COL17A1: variants seen among roughly 807,000 people sequenced by gnomAD.
The protein encoded by COL17A1 is collagen alpha-1(XVII) chain.
A neutral mutation model predicts 218.4 loss-of-function variants in COL17A1; 181 were observed. The observed-to-expected ratio is 0.83, with a 90% CI of 0.73 to 0.94. COL17A1 has a LOEUF of 0.94. COL17A1 is among the 40% of genes least tolerant of loss of function. The pLI, the probability that COL17A1 is intolerant of heterozygous loss-of-function variation, is 0.00. For synonymous variants in COL17A1, 721 were observed against 731.0 expected, an observed-to-expected ratio of 0.99 and a Z score of 0.22; for missense variants, 1,924 against 1,945.9, an observed-to-expected ratio of 0.99 and a Z score of 0.21.
At chr10:104,083,367 T>C (rs936438294) in intron 1 of COL17A1, among the ~76,000 whole-genome samples, 7 of 152,162 alleles carry the variant, frequency 4.6e-5, no homozygotes, top group Non-Finnish European at 4.4e-5. Flanking sequence ...ATAACATAAT[T>C]TTTAACTTCT....
chr10:104,039,706 G>C, intron 41 of COL17A1, 66 bp from the exon 42 acceptor site: 1 of 1,609,336 alleles, frequency 6.2e-7, no homozygotes, highest in Non-Finnish European at 8.5e-7. Flanking sequence ...GCCCTGTAGA[G>C]CCTCCCCAAG....
chr10:104,037,254 GA>G lies in COL17A1; in HGVS notation c.3209-142del, dbSNP rs529840816. The G allele has an allele frequency of 2.5e-4, 200 of 784,412 alleles. No homozygotes were observed. In the African/African-American group the frequency reaches 2.7e-3, roughly 11 times the overall value. 48.6% of individuals were successfully genotyped at this position (784,412 alleles called of 1,614,324 possible). Reference sequence around the variant, plus strand: ...GAATGGAGTATTACGAGGCTATTTTGAAAGCATAACAAAGTCAAATACTGTT... The same window carrying G: ...GAATGGAGTATTACGAGGCTATTTTGAAGCATAACAAAGTCAAATACTGTT... On this transcript the variant is annotated intron_variant, in intron 46 of 55. Transcript: ENST00000648076.
chr10:104,040,881 G>A (rs1348814776), intron 39 of COL17A1, among the ~76,000 whole-genome samples, 184 bp downstream of exon 39: 1 of 152,144 alleles, frequency 6.6e-6, no homozygotes, highest in African/African-American at 2.4e-5. Context: ...CTACCAGGGT[G>A]GTTGGGTTGA....
Position 104,059,703 on chromosome 10 carries a change from T to C in COL17A1, c.1157A>G (p.Asp386Gly), listed in dbSNP as rs1319282018. The change falls in exon 15 of 56, where the codon GAC becomes GGC. Residue 386 changes from aspartate to glycine, a missense_variant. Asp to Gly is a moderately conservative substitution (Grantham distance 94). Coordinates refer to ENST00000648076, the MANE Select transcript of COL17A1 (RefSeq NM_000494.4). ...ASIAATSFSE[D>G]TLKKEKQAAY... ...AGCTTGCTTTTCTTTTTTTAGGGTG[T>C]CTTCTGAAAAAGAAGCTATGTACAG... 6.8e-6 allele frequency: 11 copies of C among 1,614,080 alleles called. No individual in the cohort carries two copies. The highest frequency in any genetic ancestry group is 2.2e-5 in the East Asian group (1 of 44,896).
chr10:104,057,603 T>C (rs1220819435), intron 16 of COL17A1, among the ~76,000 whole-genome samples: 1 of 151,154 alleles, frequency 6.6e-6, no homozygotes, highest in South Asian at 2.1e-4. Context: ...CCCATCTCCA[T>C]GCCTCAGTTC....
chr10:104,052,472 T>C (rs1371931926), intron 23 of COL17A1, among the ~76,000 whole-genome samples: 1 of 152,154 alleles, frequency 6.6e-6, no homozygotes, highest in Admixed American at 6.5e-5. Context: ...AAAGAGAAAG[T>C]AAAGCTGAAA....
chr10:104,071,939 T>C lies in COL17A1; in HGVS notation c.463+93A>G, dbSNP rs2086672636. On this transcript the variant is annotated intron_variant, in intron 8 of 55. Coordinates refer to ENST00000648076, the MANE Select transcript of COL17A1 (RefSeq NM_000494.4). Reference sequence around the variant, plus strand: ...ATGTACATACATGTGTGTGCATGCATGCACACACACACGCATGCACACACA... The same window carrying C: ...ATGTACATACATGTGTGTGCATGCACGCACACACACACGCATGCACACACA... The C allele has an allele frequency of 5.1e-6, 8 of 1,571,824 alleles. No homozygotes were observed. In the South Asian group the frequency reaches 8.9e-5, roughly 18 times the overall value.
chr10:104,042,358 C>G, intron 36 of COL17A1, 62 bp downstream of exon 36: 1 of 1,564,824 alleles, frequency 6.4e-7, no homozygotes, highest in Non-Finnish European at 8.8e-7. Flanking sequence ...CCATGTCCAC[C>G]CTGAGAGGAA....
At position 104,043,048 on chromosome 10, in the gene COL17A1, T is replaced by A. The variant is rs150760646; in HGVS notation, c.2515+453A>T. ...AGAAGTTTTCATATTTTTGTCACCA[T>A]CCCATGTGGAGATATTTTCTTCAAA... On this transcript the variant is annotated intron_variant, in intron 35 of 55. Transcript: ENST00000648076. 5.9e-5 allele frequency among the ~76,000 whole-genome samples: 9 copies of A among 152,326 alleles called. No individual in the cohort carries two copies. In the East Asian group the frequency reaches 1.7e-3, roughly 29 times the overall value.
chr10:104,045,891 C>G, intron 32 of COL17A1, 98 bp from the exon 33 acceptor site: 1 of 980,044 alleles, frequency 1.0e-6, no homozygotes. Context: ...CACAGCCACA[C>G]TGCTGACTGA....
At chr10:104,058,416 T>C (rs542433951) in intron 15 of COL17A1, among the ~76,000 whole-genome samples, 1 of 152,368 alleles carries the variant, frequency 6.6e-6, no homozygotes, top group African/African-American at 2.4e-5. Context: ...CACTATGTTT[T>C]AATTCTCTTA....
intron 45 of COL17A1, 126 bp downstream of exon 45, chr10:104,038,280 A>ACT (rs2086322558): frequency 1.1e-6 from 1 of 888,046 alleles, no homozygotes; most frequent in Non-Finnish European, 1.8e-6. Flanking sequence ...ACACACACAC[A>ACT]CTCCCACTGC....
At chr10:104,038,367 T>C in intron 45 of COL17A1, 39 bp downstream of exon 45, 2 of 1,613,050 alleles carry the variant, frequency 1.2e-6, no homozygotes, top group Non-Finnish European at 1.7e-6. Context: ...TGTATCTCCA[T>C]GTTCTTGTCC....
At chr10:104,059,502 T>G (rs1050704107) in intron 15 of COL17A1, 136 bp downstream of exon 15, 2 of 792,522 alleles carry the variant, frequency 2.5e-6, no homozygotes, top group Middle Eastern at 3.0e-4. Context: ...GGATCCTGCT[T>G]TTATAACACA....
chr10:104,078,530 G>C lies in COL17A1; in HGVS notation c.97+12C>G. On this transcript the variant is annotated intron_variant, in intron 3 of 55. Coordinates refer to ENST00000648076, the MANE Select transcript of COL17A1 (RefSeq NM_000494.4). ...ACCTACTGAAAAGAAAGCTATTGAG[G>C]TAGTTACTTACTTGGTGGTAAGGAT... 6.2e-7 allele frequency: 1 copy of C among 1,614,160 alleles called. No homozygotes were observed. The highest frequency in any genetic ancestry group is 8.5e-7 in the Non-Finnish European group (1 of 1,180,016).
rs2086252457 is a variant in COL17A1, at chr10:104,034,395, A to AGTT, written c.3767-64_3767-62dup. 3.3e-6 allele frequency: 5 copies of AGTT among 1,518,426 alleles called. No homozygotes were observed. In the East Asian group the frequency reaches 1.2e-4, roughly 37 times the overall value. 94.1% of individuals were successfully genotyped at this position (1,518,426 alleles called of 1,614,324 possible). On this transcript the variant is annotated intron_variant, in intron 51 of 55. Coordinates refer to ENST00000648076, the MANE Select transcript of COL17A1 (RefSeq NM_000494.4). Reference sequence around the variant, plus strand: ...ATCTCGGTGGAGAGAAAGACTTGGGAGTTAGGGAGTCTCTCCCAGGGTGTC... The same window carrying AGTT: ...ATCTCGGTGGAGAGAAAGACTTGGGAGTTGTTAGGGAGTCTCTCCCAGGGTGTC...
At chr10:104,079,687 G>A (rs2086746583) in intron 2 of COL17A1, among the ~76,000 whole-genome samples, 1 of 152,182 alleles carries the variant, frequency 6.6e-6, no homozygotes, top group South Asian at 2.1e-4. Context: ...CAACACTTTG[G>A]GAGGCCGAGG....
chr10:104,078,460 G>T (rs2086731011), intron 3 of COL17A1, 82 bp downstream of exon 3: 1 of 1,588,576 alleles, frequency 6.3e-7, no homozygotes, highest in Non-Finnish European at 8.6e-7. Flanking sequence ...AAAAATTTTG[G>T]AGCTCCCATG....
chr10:104,035,901 TGTGTATGGGA>T (rs2086280125), intron 48 of COL17A1, among the ~76,000 whole-genome samples: 1 of 77,236 alleles, frequency 1.3e-5, no homozygotes, highest in African/African-American at 4.0e-5. Flanking sequence ...TATGGGAGCG[TGTGTATGGGA>T]GTGTGTATGA....
Sources: gnomAD v4.1 joint callset for allele counts (sites outside exome capture counted in the v4.1 genomes callset) on GRCh38, gnomAD v4.1.1 for gene constraint, MANE v1.5 for transcripts, NCBI Gene and HGNC (gene_info 2026-07-23, HGNC 2026-07-21) for gene names.